The following MAPK8 variants were observed in gnomAD, a reference collection of about 807,000 sequenced individuals.
MAPK8 encodes the protein JUN N-terminal kinase.
Under a neutral mutation model 52.9 loss-of-function variants are expected in MAPK8, and 13 were observed. The ratio of observed to expected loss-of-function variants is 0.25; its 90% CI spans 0.16 to 0.39. The LOEUF (loss-of-function observed/expected upper bound fraction) is 0.39. Among genes scored for constraint, MAPK8 ranks in the 10% least tolerant of loss-of-function variants. MAPK8 has a pLI of 1.00. For missense variants in MAPK8, 300 were observed against 519.2 expected (o/e 0.58, Z 4.10); for synonymous variants, 191 against 169.8 (o/e 1.12, Z -0.97).
chr10:48,394,262 G>A (rs1244158193), intron 1 of MAPK8, among the ~76,000 whole-genome samples: 2 of 151,838 alleles, frequency 1.3e-5, no homozygotes, highest in Non-Finnish European at 1.5e-5. Context: ...GAACACTGTT[G>A]CAACTCATTT....
intron 1 of MAPK8, among the ~76,000 whole-genome samples, chr10:48,316,278 C>G (rs932685553): frequency 2.6e-5 from 4 of 152,144 alleles, no homozygotes; most frequent in African/African-American, 7.2e-5. Context: ...TTACAGTTGC[C>G]TGCAGTATTC....
At chr10:48,426,308 A>T in intron 8 of MAPK8, 72 bp from the exon 9 acceptor site, 1 of 1,375,062 alleles carries the variant, frequency 7.3e-7, no homozygotes, top group Non-Finnish European at 9.8e-7. Context: ...AAAAAATCTC[A>T]AATTGCTGAA....
intron 5 of MAPK8, among the ~76,000 whole-genome samples, chr10:48,412,519 C>T (rs891053618): frequency 6.6e-6 from 1 of 152,126 alleles, no homozygotes; most frequent in Non-Finnish European, 1.5e-5. Context: ...CCTTTTGGAA[C>T]TCCCATTATG....
chr10:48,308,067 A>T (rs994378569), intron 1 of MAPK8: 1 of 152,194 alleles, frequency 6.6e-6, no homozygotes, highest in Non-Finnish European at 1.5e-5. Context: ...AACAGCTTTT[A>T]TTTATTTCTA....
chr10:48,428,396 G>A (rs568452003), intron 10 of MAPK8, among the ~76,000 whole-genome samples: 140 of 152,172 alleles, frequency 9.2e-4, no homozygotes, highest in African/African-American at 3.3e-3. Flanking sequence ...ACTGCCCCCT[G>A]CATTTTACCT....
intron 3 of MAPK8, among the ~76,000 whole-genome samples, chr10:48,408,061 A>G (rs572443729): frequency 2.6e-4 from 40 of 152,350 alleles, no homozygotes; most frequent in African/African-American, 9.4e-4. Flanking sequence ...AAATATTTAA[A>G]TACCTTATGT....
intron 1 of MAPK8, among the ~76,000 whole-genome samples, chr10:48,401,002 G>A (rs2042132929): frequency 6.6e-6 from 1 of 151,980 alleles, no homozygotes; most frequent in South Asian, 2.1e-4. Flanking sequence ...TTTCTGTTTT[G>A]CTTCTCATCC....
chr10:48,392,580 G>A (rs1294253137), intron 1 of MAPK8, among the ~76,000 whole-genome samples: 1 of 151,820 alleles, frequency 6.6e-6, no homozygotes, highest in Non-Finnish European at 1.5e-5. Flanking sequence ...CCACACATGT[G>A]CTCTGGATCC....
At chr10:48,348,882 G>T (rs1846032745) in intron 1 of MAPK8, among the ~76,000 whole-genome samples, 1 of 150,148 alleles carries the variant, frequency 6.7e-6, no homozygotes, top group South Asian at 2.1e-4. Flanking sequence ...TCTTTTTTGG[G>T]CATGTGCAAA....
In MAPK8 at chr10:48,376,142, A is replaced by T. The variant is rs568908296; in HGVS notation, c.-49-25470A>T. Among the ~76,000 whole-genome samples the T allele has an allele frequency of 7.9e-5, 12 of 152,332 alleles. No individual in the cohort carries two copies. The South Asian group carries it at 1.2e-3, about 16-fold the overall frequency. On this transcript the variant is annotated intron_variant, in intron 1 of 11. Transcript: ENST00000374189. Reference sequence around the variant, plus strand: ...TACAAAAACAAGCAGTGGGGAAAGGATTCCCTGTTTAATAGATGGTGTTGG... The same window carrying T: ...TACAAAAACAAGCAGTGGGGAAAGGTTTCCCTGTTTAATAGATGGTGTTGG...
Position 48,425,908 on chromosome 10 carries a change from G to A in MAPK8, c.709G>A (p.Val237Ile). Residue 237 changes from valine (V) to isoleucine (I), a missense_variant, in exon 8 of 12, where the codon GTT becomes ATT. Physicochemically the swap from Val to Ile is conservative, Grantham distance 29. Coordinates refer to ENST00000374189, the MANE Select transcript of MAPK8 (RefSeq NM_001323329.2). ...GRDYIDQWNK[V>I]IEQLGTPCPE... ...ATTAGATATTGATCAGTGGAATAAA[G>A]TTATTGAACAGCTTGGAACACCATG... 6.2e-7 allele frequency: 1 copy of A among 1,606,198 alleles called. No homozygotes were observed. The highest frequency in any genetic ancestry group is 8.5e-7 in the Non-Finnish European group (1 of 1,175,722).
chr10:48,402,961 A>G (rs1357796240), intron 2 of MAPK8, among the ~76,000 whole-genome samples: 1 of 152,212 alleles, frequency 6.6e-6, no homozygotes, highest in Non-Finnish European at 1.5e-5. Context: ...CTGGGCTTCA[A>G]AGCAAGATGT....
At chr10:48,423,089 C>A (rs948445247) in intron 6 of MAPK8, among the ~76,000 whole-genome samples, 1 of 152,194 alleles carries the variant, frequency 6.6e-6, no homozygotes, top group Non-Finnish European at 1.5e-5. Context: ...TGTTACACTG[C>A]AAGCACTTAC....
rs1251966897 is a variant in MAPK8 at position 48,425,433 on chromosome 10, TTCTGTTA to T, written c.689-454_689-448del. On this transcript the variant is annotated intron_variant, in intron 7 of 11. Transcript: ENST00000374189. ...TTTATTTTTATTACAACTGATTATT[TTCTGTTA>T]GTGTAGAAAACTCAGTAAAACAGGA... 22 of 433,366 alleles carry T rather than the reference TTCTGTTA, an allele frequency of 5.1e-5. No homozygotes were observed. In the Admixed American group the frequency reaches 8.1e-4, roughly 16 times the overall value. The allele number at this position is 433,366 out of a possible 1,614,324, so 26.8% of individuals were successfully genotyped here. A position where few individuals can be genotyped will look rare whatever the true frequency, so the allele number is the denominator to read the frequency against.
chr10:48,364,902 G>C (rs188337160), intron 1 of MAPK8, among the ~76,000 whole-genome samples: 203 of 152,190 alleles, frequency 1.3e-3, no homozygotes, highest in Non-Finnish European at 2.2e-3. Flanking sequence ...CTCTTTTACA[G>C]ATACCTTTAG....
At chr10:48,362,608 A>AC (rs1847637520) in intron 1 of MAPK8, among the ~76,000 whole-genome samples, 1 of 152,028 alleles carries the variant, frequency 6.6e-6, no homozygotes, top group Admixed American at 6.6e-5. Context: ...ATTTTAGTTA[A>AC]GAGCGATCTT....
intron 7 of MAPK8, 36 bp downstream of exon 7, chr10:48,424,195 G>A: frequency 2.0e-6 from 3 of 1,537,508 alleles, no homozygotes; most frequent in Non-Finnish European, 2.7e-6. Context: ...AATTAGTTAG[G>A]CGATGAACTT....
At chr10:48,357,604 C>T (rs1847103491) in intron 1 of MAPK8, among the ~76,000 whole-genome samples, 1 of 152,078 alleles carries the variant, frequency 6.6e-6, no homozygotes, top group Admixed American at 6.5e-5. Context: ...CACCATGTTG[C>T]CCAGGCTGGT....
intron 1 of MAPK8, among the ~76,000 whole-genome samples, chr10:48,336,862 C>A (rs1844738774): frequency 6.6e-6 from 1 of 151,970 alleles, no homozygotes; most frequent in Non-Finnish European, 1.5e-5. Context: ...AGATATTAAA[C>A]CAACAACAGT....
Sources: gnomAD v4.1 joint callset for allele counts (sites outside exome capture counted in the v4.1 genomes callset) on GRCh38, gnomAD v4.1.1 for gene constraint, MANE v1.5 for transcripts, NCBI Gene and HGNC (gene_info 2026-07-23, HGNC 2026-07-21) for gene names.